Variants in TEAD1 observed in about 807,000 individuals in gnomAD.
TEAD1 encodes the protein transcriptional enhancer factor TEF-1.
In TEAD1, 9 loss-of-function variants were observed where a neutral mutation model predicts 54.9. That is an observed-to-expected ratio of 0.16 (90% CI 0.10 to 0.29). The LOEUF is 0.29. Among genes scored for constraint, TEAD1 ranks in the 10% least tolerant of loss-of-function variants. TEAD1 has a pLI of 1.00. For synonymous variants in TEAD1, 200 were observed against 187.8 expected, an observed-to-expected ratio of 1.07 and a Z score of -0.53; for missense variants, 387 against 535.9, an observed-to-expected ratio of 0.72 and a Z score of 2.74.
intron 10 of TEAD1, among the ~76,000 whole-genome samples, chr11:12,919,705 G>T (rs955022684): frequency 6.6e-6 from 1 of 151,918 alleles, no homozygotes; most frequent in Non-Finnish European, 1.5e-5. Context: ...TCCCTATGTT[G>T]CCCAGGCTGG....
chr11:12,812,911 A>G (rs185031766), intron 3 of TEAD1, among the ~76,000 whole-genome samples: 33 of 152,316 alleles, frequency 2.2e-4, no homozygotes, highest in African/African-American at 7.7e-4. Context: ...GGTACTAGCT[A>G]GACTGTTAAG....
Position 12,864,878 on chromosome 11 carries a change from G to A in TEAD1, c.308G>A (p.Arg103His). Reference sequence around the variant, plus strand: ...CAGGTTCTTGCCAGAAGGAAATCTCGTGATTTTCATTCCAAGCTAAAGGTA... The same window carrying A: ...CAGGTTCTTGCCAGAAGGAAATCTCATGATTTTCATTCCAAGCTAAAGGTA... The change falls in exon 5 of 13, where the codon CGT (arginine) becomes CAT (histidine). Residue 103 changes from arginine (R) to histidine (H), a missense_variant. This residue lies in a region of TEAD1 where 22 missense variants were observed against 43.2 expected (regional missense o/e 0.51). Coordinates refer to ENST00000527636, the MANE Select transcript of TEAD1 (RefSeq NM_021961.6). 1.2e-6 allele frequency: 2 copies of A among 1,614,062 alleles called. No individual in the cohort carries two copies. Among genetic ancestry groups the A allele is most frequent in the Non-Finnish European group, 8.5e-7 (1 of 1,180,030 alleles).
chr11:12,731,784 G>C (rs1403540328), intron 2 of TEAD1, among the ~76,000 whole-genome samples: 1 of 152,136 alleles, frequency 6.6e-6, no homozygotes, highest in Non-Finnish European at 1.5e-5. Context: ...CCTGAAAATA[G>C]CTCCATGGCC....
In TEAD1 at chr11:12,829,133, C is replaced by A. The variant is rs190515195; in HGVS notation, c.203-33117C>A. Among the ~76,000 whole-genome samples the A allele has an allele frequency of 3.4e-3, 517 of 152,212 alleles. 1 individual carries two copies. The highest frequency in any genetic ancestry group is 5.0e-3 in the Non-Finnish European group (338 of 68,018). On this transcript the variant is annotated intron_variant, in intron 3 of 12. Transcript: ENST00000527636. ...AGAGGCTCTGATCCAGAGAAACTCCCCAAGACGGAAGTGCAGCAGGCAGGA... is the reference window on the plus strand; with the variant it reads ...AGAGGCTCTGATCCAGAGAAACTCCACAAGACGGAAGTGCAGCAGGCAGGA...
At chr11:12,686,797 A>G (rs564940244) in intron 2 of TEAD1, among the ~76,000 whole-genome samples, 2 of 152,378 alleles carry the variant, frequency 1.3e-5, no homozygotes, top group East Asian at 1.9e-4. Context: ...GCCTAAAACC[A>G]AAAGTAATTG....
At chr11:12,766,700 A>C (rs530559796) in intron 3 of TEAD1, among the ~76,000 whole-genome samples, 1 of 152,264 alleles carries the variant, frequency 6.6e-6, no homozygotes, top group Non-Finnish European at 1.5e-5. Flanking sequence ...GTTTTGATGT[A>C]TGGATTCTTT....
chr11:12,704,669 C>G (rs943273568), intron 2 of TEAD1, among the ~76,000 whole-genome samples: 1 of 152,340 alleles, frequency 6.6e-6, no homozygotes, highest in Non-Finnish European at 1.5e-5. Context: ...ACCCTATTGT[C>G]TCTCTCTGAG....
At chr11:12,917,401 A>G (rs1011308725) in intron 10 of TEAD1, among the ~76,000 whole-genome samples, 9 of 152,262 alleles carry the variant, frequency 5.9e-5, no homozygotes, top group African/African-American at 1.9e-4. Context: ...TAAATTTCTG[A>G]CCTACAGGAA....
intron 3 of TEAD1, among the ~76,000 whole-genome samples, chr11:12,849,589 C>G (rs758404824): frequency 2.6e-5 from 4 of 152,176 alleles, no homozygotes; most frequent in Non-Finnish European, 4.4e-5. Context: ...GCTTGCATAA[C>G]TTACCTTTGT....
intron 3 of TEAD1, among the ~76,000 whole-genome samples, chr11:12,802,140 C>T (rs1465873976): frequency 6.6e-6 from 1 of 152,068 alleles, no homozygotes; most frequent in African/African-American, 2.4e-5. Context: ...CAAAGGTTAC[C>T]CATTCAGAAC....
intron 3 of TEAD1, among the ~76,000 whole-genome samples, chr11:12,808,961 G>T (rs1015575642): frequency 6.6e-6 from 1 of 152,186 alleles, no homozygotes; most frequent in East Asian, 1.9e-4. Context: ...AGAAGGGGAG[G>T]AGGGGAGCTG....
chr11:12,934,875 C>T (rs1352487431), intron 12 of TEAD1, among the ~76,000 whole-genome samples: 1 of 152,042 alleles, frequency 6.6e-6, no homozygotes, highest in East Asian at 1.9e-4. Context: ...GTAAATAAAC[C>T]ATTGCAAGCA....
At chr11:12,932,092 C>G (rs565709288) in intron 12 of TEAD1, among the ~76,000 whole-genome samples, 1 of 152,200 alleles carries the variant, frequency 6.6e-6, no homozygotes, top group African/African-American at 2.4e-5. Flanking sequence ...AGAAGAGAAT[C>G]TTAATGGGTT....
chr11:12,901,885 G>C, intron 9 of TEAD1, 55 bp from the exon 10 acceptor site: 1 of 1,610,490 alleles, frequency 6.2e-7, no homozygotes, highest in Non-Finnish European at 8.5e-7. Flanking sequence ...AGATGGATGA[G>C]TTCCAGGTTG....
chr11:12,702,437 C>T (rs764813410), intron 2 of TEAD1, among the ~76,000 whole-genome samples: 9 of 152,068 alleles, frequency 5.9e-5, no homozygotes, highest in Non-Finnish European at 1.2e-4. Context: ...TTAAATGTAC[C>T]GTAGCCAAGT....
At chr11:12,840,667 C>T (rs1947018060) in intron 3 of TEAD1, among the ~76,000 whole-genome samples, 1 of 152,074 alleles carries the variant, frequency 6.6e-6, no homozygotes. Flanking sequence ...GATCTTCTCT[C>T]GAGGCTGAAG....
At chr11:12,910,703 A>G (rs1948600516) in intron 10 of TEAD1, among the ~76,000 whole-genome samples, 1 of 150,998 alleles carries the variant, frequency 6.6e-6, no homozygotes, top group African/African-American at 2.4e-5. Context: ...TGGGATTATG[A>G]TCATTCAGTG....
chr11:12,927,615 A>G (rs1006602750), intron 11 of TEAD1, among the ~76,000 whole-genome samples: 29 of 152,202 alleles, frequency 1.9e-4, no homozygotes, highest in African/African-American at 7.0e-4. Context: ...AATTGCATCA[A>G]ACTTAGATGT....
intron 3 of TEAD1, among the ~76,000 whole-genome samples, chr11:12,819,724 T>C (rs1392244894): frequency 6.6e-6 from 1 of 152,224 alleles, no homozygotes; most frequent in East Asian, 1.9e-4. Flanking sequence ...GTGCTGGGAT[T>C]ACAGGCGTGA....
Sources: gnomAD v4.1 joint callset for allele counts (sites outside exome capture counted in the v4.1 genomes callset) on GRCh38, gnomAD v4.1.1 for gene constraint, gnomAD v4.1.1 regional missense constraint, MANE v1.5 for transcripts, NCBI Gene and HGNC (gene_info 2026-07-23, HGNC 2026-07-21) for gene names.